Variants in PCDH11X observed in about 807,000 individuals in gnomAD.
PCDH11X encodes protocadherin 11 X-linked.
In PCDH11X, 18 loss-of-function variants were observed where a neutral mutation model predicts 53.3. The observed-to-expected ratio is 0.34, with a 90% CI of 0.23 to 0.50. The LOEUF (loss-of-function observed/expected upper bound fraction) is 0.50, where lower values mean the gene tolerates loss of function less well. Ranked by LOEUF, PCDH11X falls within the 20% of genes least tolerant of loss-of-function variation. The pLI, the probability that PCDH11X is intolerant of heterozygous loss-of-function variation, is 0.98. For synonymous variants in PCDH11X, 279 were observed against 393.3 expected, an observed-to-expected ratio of 0.71 and a Z score of 3.44; for missense variants, 570 against 1,032.4, an observed-to-expected ratio of 0.55 and a Z score of 6.14.
At chrX:92,161,253 TG>T (rs2065637395) in intron 6 of PCDH11X, among the ~76,000 whole-genome samples, 5 of 111,929 alleles carry the variant, frequency 4.5e-5, no homozygotes, top group Admixed American at 3.8e-4. Context: ...TGAAAAAGAC[TG>T]TATCTTTTCT....
In PCDH11X at chrX:91,971,851, G is replaced by A. The variant is rs374485657; in HGVS notation, c.3033+92578G>A. 8.8e-4 allele frequency among the ~76,000 whole-genome samples: 98 copies of A among 111,362 alleles called. No individual in the cohort carries two copies. The East Asian group carries it at 9.0e-3, about 10-fold the overall frequency. On this transcript the variant is annotated intron_variant, in intron 6 of 10. Transcript: ENST00000682573. ...TGCTTGATAAGCTCTAAATGAACAA[G>A]TATCTACATGTAAGACATACTTTAG...
rs200451872 is a variant in PCDH11X, at chrX:91,835,552, C to T, written c.48C>T (p.Cys16=). Residue 16 remains cysteine (C), a synonymous_variant, in exon 5 of 11, where the codon TGC becomes TGT. Coordinates refer to ENST00000682573, the MANE Select transcript of PCDH11X (RefSeq NM_032968.5). ...GTYIFAVLLA[C]VVFHSGAQEK... is the part of the protein sequence containing the mutation. ...ACATTTTCGCGGTCCTGCTAGCATG[C>T]GTGGTGTTCCACTCTGGCGCCCAGG... The T allele has an allele frequency of 1.4e-4, 171 of 1,209,012 alleles. 1 individual carries two copies. In the East Asian group the frequency reaches 3.9e-3, roughly 27 times the overall value.
At chrX:92,085,292 T>C (rs1331174812) in intron 6 of PCDH11X, among the ~76,000 whole-genome samples, 9 of 109,798 alleles carry the variant, frequency 8.2e-5, no homozygotes, top group Non-Finnish European at 1.1e-4. Context: ...CTAAAAGAGG[T>C]TGTAGTTTGT....
At chrX:91,870,516 A>G (rs1939228502) in intron 5 of PCDH11X, among the ~76,000 whole-genome samples, 1 of 110,021 alleles carries the variant, frequency 9.1e-6, no homozygotes, top group African/African-American at 3.3e-5. Context: ...ACAATAGGGA[A>G]AAAAAAATCA....
At chrX:91,829,467 AACC>A (rs1937039269) in intron 4 of PCDH11X, among the ~76,000 whole-genome samples, 1 of 109,104 alleles carries the variant, frequency 9.2e-6, no homozygotes, top group Non-Finnish European at 1.9e-5. Context: ...TATATGAAGA[AACC>A]ACATTTGTTA....
At chrX:92,526,969 T>C (rs2074464094) in intron 10 of PCDH11X, among the ~76,000 whole-genome samples, 1 of 111,442 alleles carries the variant, frequency 9.0e-6, no homozygotes, top group African/African-American at 3.3e-5. Context: ...AATGAGCTCT[T>C]GCCATTTGCA....
chrX:92,474,178 G>A (rs2073327361), intron 10 of PCDH11X, among the ~76,000 whole-genome samples: 1 of 110,651 alleles, frequency 9.0e-6, no homozygotes, highest in Non-Finnish European at 1.9e-5. Context: ...TCCTTTTCCT[G>A]AATTGACCCA....
chrX:92,186,695 C>T (rs148102713), intron 6 of PCDH11X, among the ~76,000 whole-genome samples: 2,015 of 108,590 alleles, frequency 0.019, 47 homozygotes, highest in African/African-American at 0.065. Context: ...GGAGTATAGC[C>T]AGAGGTTGGT....
At chrX:92,449,679 G>A (rs1211352119) in intron 9 of PCDH11X, among the ~76,000 whole-genome samples, 2 of 110,582 alleles carry the variant, frequency 1.8e-5, no homozygotes, top group East Asian at 2.9e-4. Context: ...AAATTACATT[G>A]CGCTTTGCCC....
chrX:91,825,255 C>T (rs1430648891), intron 4 of PCDH11X, among the ~76,000 whole-genome samples: 6 of 109,438 alleles, frequency 5.5e-5, no homozygotes, highest in African/African-American at 2.1e-4. Flanking sequence ...TGGGCAATGG[C>T]GGGTGCCCCT....
intron 7 of PCDH11X, among the ~76,000 whole-genome samples, chrX:92,255,424 G>T (rs2067553228): frequency 9.4e-6 from 1 of 106,582 alleles, no homozygotes; most frequent in African/African-American, 3.4e-5. Flanking sequence ...ATCGTCTGAA[G>T]CCTTCTTCTC....
At chrX:92,175,142 A>AT (rs1183805229) in intron 6 of PCDH11X, among the ~76,000 whole-genome samples, 1 of 110,414 alleles carries the variant, frequency 9.1e-6, no homozygotes. Context: ...TGCCCAGCTA[A>AT]TTTTTTGTAT....
intron 6 of PCDH11X, among the ~76,000 whole-genome samples, chrX:92,132,600 T>G (rs1410268063): frequency 2.0e-5 from 2 of 98,358 alleles, no homozygotes; most frequent in Admixed American, 2.4e-4. Flanking sequence ...AGAGTGAAAC[T>G]CCGTCTCAAA....
chrX:92,520,909 G>T (rs762204035), intron 10 of PCDH11X, among the ~76,000 whole-genome samples: 2 of 111,572 alleles, frequency 1.8e-5, no homozygotes, highest in South Asian at 3.7e-4. Context: ...CTCCTCATCT[G>T]TTAAAATTTT....
intron 6 of PCDH11X, among the ~76,000 whole-genome samples, chrX:92,057,334 T>G (rs888477985): frequency 3.4e-4 from 38 of 110,844 alleles, no homozygotes; most frequent in Non-Finnish European, 6.1e-4. Context: ...GGCCACGAAG[T>G]GGCACAGAAT....
intron 6 of PCDH11X, among the ~76,000 whole-genome samples, chrX:92,159,814 A>AT (rs1177460058): frequency 0.043 from 1,813 of 42,401 alleles, 101 homozygotes; most frequent in Non-Finnish European, 0.066. Flanking sequence ...AGGTTACCTC[A>AT]TTTTTTTTTT....
At chrX:92,189,343 G>T (rs1014510440) in intron 6 of PCDH11X, among the ~76,000 whole-genome samples, 2 of 111,648 alleles carry the variant, frequency 1.8e-5, no homozygotes, top group Non-Finnish European at 3.8e-5. Context: ...GTTTGGTGAG[G>T]ATAACGGCTT....
chrX:92,084,756 T>C (rs2063923087), intron 6 of PCDH11X, among the ~76,000 whole-genome samples: 1 of 110,748 alleles, frequency 9.0e-6, no homozygotes, highest in African/African-American at 3.3e-5. Context: ...CTTTAGAGGG[T>C]TGGGCTACCT....
intron 6 of PCDH11X, among the ~76,000 whole-genome samples, chrX:91,932,703 C>T (rs397833260): frequency 2.5e-4 from 24 of 94,147 alleles, no homozygotes; most frequent in South Asian, 5.1e-4. Flanking sequence ...TGTGTGTGCG[C>T]GCGCGCGCGC....
Sources: gnomAD v4.1 joint callset for allele counts (sites outside exome capture counted in the v4.1 genomes callset) on GRCh38, gnomAD v4.1.1 for gene constraint, MANE v1.5 for transcripts, NCBI Gene and HGNC (gene_info 2026-07-23, HGNC 2026-07-21) for gene names.